KCNMA1: variants seen among roughly 807,000 people sequenced by gnomAD.
KCNMA1 encodes potassium calcium-activated channel subfamily M alpha 1, also known as Calcium-activated potassium channel subunit alpha-1.
In KCNMA1, 29 loss-of-function variants were observed where a neutral mutation model predicts 140.0. The ratio of observed to expected loss-of-function variants is 0.21; its 90% CI spans 0.15 to 0.28. KCNMA1 has a LOEUF of 0.28. Among genes scored for constraint, KCNMA1 ranks in the 10% least tolerant of loss-of-function variants. KCNMA1 has a pLI of 1.00. For synonymous variants in KCNMA1, 612 were observed against 611.9 expected, an observed-to-expected ratio of 1.00 and a Z score of 0.00; for missense variants, 880 against 1,602.2, an observed-to-expected ratio of 0.55 and a Z score of 7.70.
intron 24 of KCNMA1, chr10:76,910,855 A>G (rs2049887172): frequency 6.5e-6 from 1 of 153,514 alleles, no homozygotes; most frequent in African/African-American, 2.4e-5. Flanking sequence ...GCTGTATTTC[A>G]TTTCCATCTG....
chr10:77,317,126 T>C (rs2081093138), intron 2 of KCNMA1, among the ~76,000 whole-genome samples: 1 of 152,150 alleles, frequency 6.6e-6, no homozygotes, highest in Non-Finnish European at 1.5e-5. Flanking sequence ...CCCCTACCAC[T>C]TAGACTGCCA....
intron 2 of KCNMA1, among the ~76,000 whole-genome samples, chr10:77,291,265 G>T (rs1196251761): frequency 6.6e-6 from 1 of 152,156 alleles, no homozygotes; most frequent in African/African-American, 2.4e-5. Flanking sequence ...AACCTGCTGA[G>T]ATTTCTTGTA....
At chr10:77,369,730 A>G (rs1257288061) in intron 2 of KCNMA1, among the ~76,000 whole-genome samples, 1 of 152,186 alleles carries the variant, frequency 6.6e-6, no homozygotes, top group Non-Finnish European at 1.5e-5. Context: ...CTCTTTTTGG[A>G]AGTCTCTCTA....
At chr10:76,879,516 T>C (rs1388454689) in intron 29 of KCNMA1, among the ~76,000 whole-genome samples, 1 of 152,182 alleles carries the variant, frequency 6.6e-6, no homozygotes, top group Non-Finnish European at 1.5e-5. Context: ...TGAGATGATC[T>C]ACAGCTTGCC....
chr10:77,080,316 T>C (rs1231828996), intron 12 of KCNMA1, among the ~76,000 whole-genome samples: 1 of 152,220 alleles, frequency 6.6e-6, no homozygotes, highest in Non-Finnish European at 1.5e-5. Flanking sequence ...GTAGCCCCGC[T>C]GTGCAGGAGC....
intron 2 of KCNMA1, among the ~76,000 whole-genome samples, chr10:77,296,908 T>TGGG (rs781675116): frequency 1.1e-3 from 90 of 80,224 alleles, no homozygotes; most frequent in Admixed American, 6.8e-3. Flanking sequence ...CCTGGGTGTG[T>TGGG]GGGCGGGGGG....
At chr10:77,070,017 T>C (rs929593383) in intron 14 of KCNMA1, among the ~76,000 whole-genome samples, 1 of 152,196 alleles carries the variant, frequency 6.6e-6, no homozygotes, top group South Asian at 2.1e-4. Context: ...GATTTCACCA[T>C]GTTGGCCAGG....
chr10:77,538,706 C>G (rs1214426188), intron 1 of KCNMA1, among the ~76,000 whole-genome samples: 1 of 152,048 alleles, frequency 6.6e-6, no homozygotes, highest in East Asian at 2.0e-4. Context: ...CACCTTGGTC[C>G]CTCTGCCACA....
intron 5 of KCNMA1, among the ~76,000 whole-genome samples, chr10:77,172,435 TA>T (rs1229847435): frequency 6.6e-6 from 1 of 152,142 alleles, no homozygotes; most frequent in Non-Finnish European, 1.5e-5. Context: ...GACAAAGCAA[TA>T]TCAAGGGAAC....
chr10:77,340,446 G>A (rs1047882650), intron 2 of KCNMA1, among the ~76,000 whole-genome samples: 11 of 152,046 alleles, frequency 7.2e-5, no homozygotes, highest in East Asian at 1.9e-4. Flanking sequence ...ACAATAGCAC[G>A]GACTTGGAAC....
chr10:76,923,194 T>A (rs1344348789), intron 23 of KCNMA1, among the ~76,000 whole-genome samples: 1 of 152,106 alleles, frequency 6.6e-6, no homozygotes, highest in South Asian at 2.1e-4. Flanking sequence ...CCCATTAAGA[T>A]TCGTAAAATA....
intron 2 of KCNMA1, among the ~76,000 whole-genome samples, chr10:77,381,461 C>A (rs1165369248): frequency 6.6e-6 from 1 of 152,088 alleles, no homozygotes; most frequent in East Asian, 1.9e-4. Flanking sequence ...AACATGAACA[C>A]ATCATGGGCT....
At chr10:77,008,044 G>T in intron 18 of KCNMA1, 2 of 799,430 alleles carry the variant, frequency 2.5e-6, no homozygotes, top group Non-Finnish European at 4.0e-6. Flanking sequence ...AGGAGTTGGG[G>T]CATGATGTCA....
chr10:77,058,131 A>G (rs1210323660), intron 14 of KCNMA1, among the ~76,000 whole-genome samples: 4 of 152,106 alleles, frequency 2.6e-5, no homozygotes, highest in Non-Finnish European at 4.4e-5. Context: ...CTATATTAAT[A>G]TCAGATAAAG....
intron 2 of KCNMA1, among the ~76,000 whole-genome samples, chr10:77,385,548 T>C (rs1421046705): frequency 2.6e-5 from 4 of 152,270 alleles, no homozygotes; most frequent in Non-Finnish European, 4.4e-5. Flanking sequence ...TCTGGCTCTA[T>C]AGCCTGTGCT....
intron 1 of KCNMA1, among the ~76,000 whole-genome samples, chr10:77,615,472 C>T (rs2089066612): frequency 6.6e-6 from 1 of 152,126 alleles, no homozygotes; most frequent in Non-Finnish European, 1.5e-5. Flanking sequence ...GGCAGGAGCA[C>T]AATCACAATT....
chr10:77,063,767 C>G (rs1353093354), intron 14 of KCNMA1: 3 of 985,220 alleles, frequency 3.0e-6, no homozygotes, highest in Non-Finnish European at 3.6e-6. Flanking sequence ...CTCAAAAAAC[C>G]AAAGTCAAAA....
chr10:76,984,759 T>C (rs1437103772), intron 19 of KCNMA1, among the ~76,000 whole-genome samples: 1 of 152,228 alleles, frequency 6.6e-6, no homozygotes, highest in Non-Finnish European at 1.5e-5. Context: ...CAGTAACATG[T>C]ATTTAACTTG....
chr10:77,274,687 C>G (rs2066132149), intron 2 of KCNMA1, among the ~76,000 whole-genome samples: 1 of 152,218 alleles, frequency 6.6e-6, no homozygotes, highest in African/African-American at 2.4e-5. Flanking sequence ...GCCGGGCTGG[C>G]TAACCCCGAC....
Sources: gnomAD v4.1 joint callset for allele counts (sites outside exome capture counted in the v4.1 genomes callset) on GRCh38, gnomAD v4.1.1 for gene constraint, MANE v1.5 for transcripts, NCBI Gene and HGNC (gene_info 2026-07-23, HGNC 2026-07-21) for gene names.